TAFA2: variants seen among roughly 807,000 people sequenced by gnomAD.
The protein encoded by TAFA2 is chemokine-like protein TAFA-2.
TAFA2 carries 7 observed loss-of-function variants against 18.8 expected under a neutral mutation model. The ratio of observed to expected loss-of-function variants is 0.37; its 90% CI spans 0.21 to 0.70. TAFA2 has a LOEUF of 0.70. Ranked by LOEUF, TAFA2 falls within the 30% of genes least tolerant of loss-of-function variation. The pLI is 0.53. For missense variants in TAFA2, 122 were observed against 158.1 expected, an observed-to-expected ratio of 0.77 and a Z score of 1.23; for synonymous variants, 60 against 54.2, an observed-to-expected ratio of 1.11 and a Z score of -0.47.
chr12:62,116,556 A>G (rs2136872759), intron 1 of TAFA2, among the ~76,000 whole-genome samples: 1 of 146,776 alleles, frequency 6.8e-6, no homozygotes, highest in African/African-American at 2.7e-5. Flanking sequence ...TTTAGTCCTC[A>G]ATAAAAATGA....
intron 1 of TAFA2, among the ~76,000 whole-genome samples, chr12:62,221,420 G>A (rs533379753): frequency 2.0e-5 from 3 of 152,114 alleles, no homozygotes; most frequent in Non-Finnish European, 4.4e-5. Context: ...GTTGGTAACA[G>A]ATACTAAGAC....
At chr12:61,760,075 CT>C (rs35014156) in intron 2 of TAFA2, among the ~76,000 whole-genome samples, 64 of 137,722 alleles carry the variant, frequency 4.6e-4, no homozygotes, top group Non-Finnish European at 6.0e-4. Flanking sequence ...CTGCCCAGTG[CT>C]TTTTTTTTTT....
intron 2 of TAFA2, among the ~76,000 whole-genome samples, chr12:61,821,534 G>A (rs904501000): frequency 6.6e-6 from 1 of 152,032 alleles, no homozygotes; most frequent in African/African-American, 2.4e-5. Flanking sequence ...GGAGGAAGTG[G>A]TAAAGAGACA....
intron 1 of TAFA2, among the ~76,000 whole-genome samples, chr12:62,058,621 C>G (rs1035232405): frequency 1.4e-5 from 2 of 147,344 alleles, no homozygotes; most frequent in Non-Finnish European, 3.1e-5. Context: ...TTTCTCACCT[C>G]CCCCCTTTTT....
intron 1 of TAFA2, among the ~76,000 whole-genome samples, chr12:61,965,058 G>GT (rs770088567): frequency 9.2e-5 from 14 of 151,912 alleles, no homozygotes; most frequent in Non-Finnish European, 1.8e-4. Context: ...AATTATCAAT[G>GT]TATCCCCCAA....
intron 1 of TAFA2, among the ~76,000 whole-genome samples, chr12:61,961,493 T>C (rs908159943): frequency 6.6e-6 from 1 of 152,034 alleles, no homozygotes; most frequent in African/African-American, 2.4e-5. Context: ...ACTGGGAGTT[T>C]CTTTCTTGAA....
chr12:61,970,429 A>C (rs189419976), intron 1 of TAFA2, among the ~76,000 whole-genome samples: 9 of 151,822 alleles, frequency 5.9e-5, no homozygotes, highest in Admixed American at 5.9e-4. Context: ...TAAATATGAT[A>C]AGAATAAAAC....
At chr12:62,204,205 C>A (rs761209514) in intron 1 of TAFA2, among the ~76,000 whole-genome samples, 1 of 152,238 alleles carries the variant, frequency 6.6e-6, no homozygotes, top group East Asian at 1.9e-4. Context: ...AGGAGAAGTC[C>A]ACAGTGAGTC....
intron 1 of TAFA2, among the ~76,000 whole-genome samples, chr12:62,222,138 AC>A (rs1336931120): frequency 7.2e-5 from 11 of 152,116 alleles, no homozygotes; most frequent in Non-Finnish European, 1.3e-4. Context: ...CATTGTAAGA[AC>A]CCTCACAGAT....
chr12:61,870,469 C>G (rs1874551615), intron 1 of TAFA2, among the ~76,000 whole-genome samples: 1 of 152,128 alleles, frequency 6.6e-6, no homozygotes, highest in African/African-American at 2.4e-5. Context: ...GAGCATGAAA[C>G]ATACTTGGTT....
At chr12:61,791,410 G>A (rs1444699395) in intron 2 of TAFA2, among the ~76,000 whole-genome samples, 1 of 151,484 alleles carries the variant, frequency 6.6e-6, no homozygotes, top group African/African-American at 2.4e-5. Context: ...GCATAGCAAT[G>A]GAAACAATCA....
intron 2 of TAFA2, among the ~76,000 whole-genome samples, chr12:61,865,643 C>T (rs1185683463): frequency 6.6e-6 from 1 of 152,158 alleles, no homozygotes; most frequent in Non-Finnish European, 1.5e-5. Context: ...TCAGAGTTAG[C>T]ATAGAACATA....
At chr12:61,712,923 T>C (rs1869481809) in intron 4 of TAFA2, among the ~76,000 whole-genome samples, 1 of 152,196 alleles carries the variant, frequency 6.6e-6, no homozygotes, top group Non-Finnish European at 1.5e-5. Context: ...AGTATTATAA[T>C]GTTATTTAAC....
Position 61,961,163 on chromosome 12 carries a change from T to A in TAFA2, c.-1-93737A>T, listed in dbSNP as rs569493328. 6.5e-4 allele frequency among the ~76,000 whole-genome samples: 98 copies of A among 151,592 alleles called. 2 individuals are homozygous for A. In the South Asian group the frequency reaches 0.02, roughly 31 times the overall value. ...GAGGAAAGAGAGAGAAGGTGGGAGGTGCCACACACTTGTAAACCATCAGAT... is the reference window on the plus strand; with the variant it reads ...GAGGAAAGAGAGAGAAGGTGGGAGGAGCCACACACTTGTAAACCATCAGAT... On this transcript the variant is annotated intron_variant, in intron 1 of 4. Transcript: ENST00000416284.
At chr12:61,720,631 T>G in intron 4 of TAFA2, 1 of 229,458 alleles carries the variant, frequency 4.4e-6, no homozygotes, top group South Asian at 5.5e-5. Flanking sequence ...TAAATGCTAA[T>G]GGTAACCACA....
intron 2 of TAFA2, among the ~76,000 whole-genome samples, chr12:61,796,653 A>G (rs1871201800): frequency 6.6e-6 from 1 of 152,178 alleles, no homozygotes. Context: ...GGAGAAAAAT[A>G]AAGCAGAAAT....
chr12:62,201,829 C>T (rs542615337), intron 1 of TAFA2, among the ~76,000 whole-genome samples: 52 of 152,246 alleles, frequency 3.4e-4, no homozygotes, highest in African/African-American at 1.1e-3. Flanking sequence ...AGTGCCTCTT[C>T]GTACCTCTGG....
intron 2 of TAFA2, among the ~76,000 whole-genome samples, chr12:61,822,800 T>C (rs1201029859): frequency 6.6e-6 from 1 of 152,202 alleles, no homozygotes; most frequent in African/African-American, 2.4e-5. Context: ...ATATGCATAA[T>C]ATCACATGTA....
chr12:61,748,872 T>A (rs952711853), intron 4 of TAFA2, among the ~76,000 whole-genome samples: 1 of 144,770 alleles, frequency 6.9e-6, no homozygotes, highest in African/African-American at 2.6e-5. Flanking sequence ...TAGCACAACT[T>A]CCTCATTCTT....
Sources: allele counts gnomAD v4.1 joint callset (sites outside exome capture counted in the v4.1 genomes callset), GRCh38; gene constraint gnomAD v4.1.1; transcripts MANE v1.5; gene names NCBI Gene and HGNC (gene_info 2026-07-23, HGNC 2026-07-21).